Variants in DOCK8 observed in about 807,000 individuals in gnomAD.
DOCK8 encodes dedicator of cytokinesis 8, also known as dedicator of cytokinesis protein 8.
Under a neutral mutation model 245.6 loss-of-function variants are expected in DOCK8, and 141 were observed. The ratio of observed to expected loss-of-function variants is 0.57; its 90% CI spans 0.50 to 0.66. The LOEUF (loss-of-function observed/expected upper bound fraction) is 0.66. Ranked by LOEUF, DOCK8 falls within the 30% of genes least tolerant of loss-of-function variation. The probability of loss-of-function intolerance (pLI) is 0.00; values close to 1 mark genes in which losing one functional copy is unlikely to be tolerated. For synonymous variants in DOCK8, 1,168 were observed against 970.2 expected (o/e 1.20, Z -3.79); for missense variants, 2,965 against 2,603.4 (o/e 1.14, Z -3.02).
intron 23 of DOCK8, 55 bp from the exon 24 acceptor site, chr9:390,416 T>C: frequency 6.7e-7 from 1 of 1,492,082 alleles, no homozygotes; most frequent in Non-Finnish European, 9.3e-7. Context: ...AAAAAAGTGT[T>C]GGTGAATAAT....
intron 40 of DOCK8, among the ~76,000 whole-genome samples, chr9:440,214 T>C (rs1256928218): frequency 6.6e-6 from 1 of 152,110 alleles, no homozygotes; most frequent in African/African-American, 2.4e-5. Context: ...GAGACAGGAT[T>C]TCACCCTGTT....
Position 396,897 on chromosome 9 carries a change from C to A in DOCK8, c.3083C>A (p.Thr1028Asn), listed in dbSNP as rs776045836. The change falls in exon 25 of 48, where the codon ACC (threonine) becomes AAC (asparagine). Residue 1028 changes from threonine (T) to asparagine (N), a missense_variant. By Grantham distance (65) the Thr-to-Asn change is moderately conservative (BLOSUM62 0). Around this residue, in one of 3 missense-constraint regions of DOCK8, gnomAD observed 2,825 missense variants for 2,453.5 expected, o/e 1.15. Coordinates refer to ENST00000432829, the MANE Select transcript of DOCK8 (RefSeq NM_203447.4). ...ATAACTACTATTGTTAATGTGGTCACCTCGGAAATTGCAGCCCTTTTAGTA... is the reference window on the plus strand; with the variant it reads ...ATAACTACTATTGTTAATGTGGTCAACTCGGAAATTGCAGCCCTTTTAGTA... Reference protein sequence around the residue: ...DDITTIVNVVTSEIAALLVKP... With the variant: ...DDITTIVNVVNSEIAALLVKP... The A allele has an allele frequency of 6.2e-7, 1 of 1,614,020 alleles. No individual in the cohort carries two copies. The highest frequency in any genetic ancestry group is 1.1e-5 in the South Asian group (1 of 91,076).
chr9:377,686 A>G (rs1452771535), intron 20 of DOCK8, among the ~76,000 whole-genome samples: 1 of 152,238 alleles, frequency 6.6e-6, no homozygotes, highest in Non-Finnish European at 1.5e-5. Flanking sequence ...GTATAGTCAC[A>G]AGGTTGTGCA....
At chr9:350,078 C>T (rs776827241) in intron 14 of DOCK8, among the ~76,000 whole-genome samples, 4 of 152,256 alleles carry the variant, frequency 2.6e-5, no homozygotes, top group South Asian at 2.1e-4. Flanking sequence ...TTCGGCTCAT[C>T]GCAAACTTGG....
At chr9:273,314 T>C (rs774580039) in intron 2 of DOCK8, among the ~76,000 whole-genome samples, 2 of 152,300 alleles carry the variant, frequency 1.3e-5, no homozygotes, top group African/African-American at 2.4e-5. Context: ...TTGCAGAGTA[T>C]AATAAAGGCA....
At chr9:376,409 A>C in intron 19 of DOCK8, 104 bp downstream of exon 19, 1 of 874,052 alleles carries the variant, frequency 1.1e-6, no homozygotes, top group South Asian at 1.3e-5. Flanking sequence ...ACAGATAAAT[A>C]AAAAATAACC....
At chr9:269,709 C>G (rs1442850205) in intron 1 of DOCK8, among the ~76,000 whole-genome samples, 2 of 152,024 alleles carry the variant, frequency 1.3e-5, no homozygotes, top group African/African-American at 4.8e-5. Flanking sequence ...GCACACGCCA[C>G]CACACCTGGC....
chr9:232,447 A>G (rs1408382405), intron 1 of DOCK8, among the ~76,000 whole-genome samples: 3 of 152,180 alleles, frequency 2.0e-5, no homozygotes, highest in Non-Finnish European at 2.9e-5. Context: ...TTTTCTATTG[A>G]TTGGAATAAT....
intron 26 of DOCK8, among the ~76,000 whole-genome samples, chr9:400,652 A>T (rs1354008526): frequency 9.9e-6 from 1 of 101,078 alleles, no homozygotes; most frequent in Non-Finnish European, 1.7e-5. Context: ...CATCACCACC[A>T]CCTCCACCAC....
chr9:274,435 G>T (rs2048264616), intron 2 of DOCK8, among the ~76,000 whole-genome samples: 1 of 151,060 alleles, frequency 6.6e-6, no homozygotes. Context: ...CTGGAGAACG[G>T]AGGCATGTGG....
chr9:392,188 C>G (rs2054230438), intron 24 of DOCK8, among the ~76,000 whole-genome samples: 1 of 150,212 alleles, frequency 6.7e-6, no homozygotes, highest in African/African-American at 2.4e-5. Flanking sequence ...GGGGTTCCAC[C>G]TAAGCTCTAG....
At chr9:253,429 AG>A (rs1317846888) in intron 1 of DOCK8, among the ~76,000 whole-genome samples, 1 of 152,124 alleles carries the variant, frequency 6.6e-6, no homozygotes, top group African/African-American at 2.4e-5. Context: ...AAAAGACCAC[AG>A]TCTACTTTCC....
intron 14 of DOCK8, among the ~76,000 whole-genome samples, chr9:342,556 G>A (rs906233659): frequency 3.3e-5 from 5 of 151,660 alleles, no homozygotes; most frequent in African/African-American, 7.3e-5. Context: ...TGCAACCTCC[G>A]CCTCACAGGT....
At chr9:379,520 C>G (rs1279437842) in intron 20 of DOCK8, among the ~76,000 whole-genome samples, 1 of 152,098 alleles carries the variant, frequency 6.6e-6, no homozygotes, top group Non-Finnish European at 1.5e-5. Context: ...TCTGGACAGT[C>G]TTATGTCTTT....
In DOCK8 at chr9:434,914, C is replaced by T; in HGVS notation, c.5018C>T (p.Ala1673Val). 3.1e-6 allele frequency: 5 copies of T among 1,613,766 alleles called. No homozygotes were observed. The highest frequency in any genetic ancestry group is 4.2e-6 in the Non-Finnish European group (5 of 1,180,038). Residue 1673 changes from alanine to valine, a missense_variant, in exon 39 of 48, where the codon GCT becomes GTT. Physicochemically the swap from Ala to Val is moderately conservative, Grantham distance 64. Coordinates refer to ENST00000432829, the MANE Select transcript of DOCK8 (RefSeq NM_203447.4). ...CTGGTGCACGCCGCTGCGTTAGTGG[C>T]TGAGTATCTGAGCATGCTGGAGGAC... ...MCLVHAAALVAEYLSMLEDHS... is the reference protein window; with the variant it reads ...MCLVHAAALVVEYLSMLEDHS...
At chr9:392,841 GC>G (rs1200159839) in intron 24 of DOCK8, among the ~76,000 whole-genome samples, 1 of 151,852 alleles carries the variant, frequency 6.6e-6, no homozygotes, top group African/African-American at 2.4e-5. Context: ...GTCACCCCAT[GC>G]CCTTTATATC....
At chr9:266,262 G>C (rs2048032898) in intron 1 of DOCK8, among the ~76,000 whole-genome samples, 1 of 152,060 alleles carries the variant, frequency 6.6e-6, no homozygotes, top group Non-Finnish European at 1.5e-5. Flanking sequence ...ATATTATATT[G>C]TAAGTATTAA....
intron 43 of DOCK8, 65 bp downstream of exon 43, chr9:443,581 A>G: frequency 7.7e-7 from 1 of 1,296,504 alleles, no homozygotes. Flanking sequence ...ACCCAAGAAT[A>G]CCTAATGATC....
chr9:282,161 A>T (rs1022275049), intron 2 of DOCK8, among the ~76,000 whole-genome samples: 1 of 152,106 alleles, frequency 6.6e-6, no homozygotes, highest in Non-Finnish European at 1.5e-5. Context: ...TCACCACCTC[A>T]TGGTTTATTA....
Sources: gnomAD v4.1 joint callset for allele counts (sites outside exome capture counted in the v4.1 genomes callset) on GRCh38, gnomAD v4.1.1 for gene constraint, gnomAD v4.1.1 regional missense constraint, MANE v1.5 for transcripts, NCBI Gene and HGNC (gene_info 2026-07-23, HGNC 2026-07-21) for gene names.